Variants in SH3PXD2B observed in about 807,000 individuals in gnomAD.
The protein encoded by SH3PXD2B is SH3 and PX domains 2B.
In SH3PXD2B, 37 loss-of-function variants were observed where a neutral mutation model predicts 73.1. That is an observed-to-expected ratio of 0.51 (90% CI 0.39 to 0.67). The LOEUF (loss-of-function observed/expected upper bound fraction) is 0.67. Among genes scored for constraint, SH3PXD2B ranks in the 30% least tolerant of loss-of-function variants. The pLI, the probability that SH3PXD2B is intolerant of heterozygous loss-of-function variation, is 0.00. For missense variants in SH3PXD2B, 1,053 were observed against 1,197.8 expected (o/e 0.88, Z 1.78); for synonymous variants, 457 against 480.5 (o/e 0.95, Z 0.64).
At chr5:172,452,471 C>CT (rs1291606102) in intron 1 of SH3PXD2B, among the ~76,000 whole-genome samples, 1 of 152,118 alleles carries the variant, frequency 6.6e-6, no homozygotes, top group Non-Finnish European at 1.5e-5. Flanking sequence ...TGGTGTGGTC[C>CT]TTTTGGGGTC....
intron 7 of SH3PXD2B, among the ~76,000 whole-genome samples, 189 bp from the exon 8 acceptor site, chr5:172,359,066 C>T (rs1581273077): frequency 6.6e-6 from 1 of 152,224 alleles, no homozygotes; most frequent in Non-Finnish European, 1.5e-5. Flanking sequence ...AAACTTGCTC[C>T]TGAGCCTGGG....
chr5:172,436,554 AGC>A (rs1189953771), intron 1 of SH3PXD2B, among the ~76,000 whole-genome samples: 4 of 152,240 alleles, frequency 2.6e-5, no homozygotes, highest in Non-Finnish European at 5.9e-5. Context: ...AAGGTCCTGT[AGC>A]CAGCAGGGAG....
chr5:172,335,412 A>G lies in SH3PXD2B; in HGVS notation c.*2957T>C, dbSNP rs1010893392. On this transcript the variant is annotated 3_prime_UTR_variant, in exon 13 of 13. Transcript: ENST00000311601. ...CTAATGGCAGAGAAAAGTCATGGAC[A>G]CGAGGGAAAGAACAACAACAACAAA... 8.2e-7 allele frequency: 1 copy of G among 1,218,176 alleles called. No homozygotes were observed. 75.5% of individuals were successfully genotyped at this position (1,218,176 alleles called of 1,614,324 possible).
rs190934433 is a variant in SH3PXD2B at position 172,349,322 on chromosome 5, T to C, written c.1012+1041A>G. ...GCTGGAAGTCCTTTCTCAACAGAGT[T>C]CACCTGCCCTGCACGGCCAAGACAG... On this transcript the variant is annotated intron_variant, in intron 10 of 12. Transcript: ENST00000311601. Among the ~76,000 whole-genome samples the C allele has an allele frequency of 1.8e-3, 277 of 152,306 alleles. 2 individuals carry two copies. The South Asian group carries it at 0.02, about 11-fold the overall frequency.
chr5:172,442,324 A>G (rs997705269), intron 1 of SH3PXD2B, among the ~76,000 whole-genome samples: 2 of 152,152 alleles, frequency 1.3e-5, no homozygotes, highest in Non-Finnish European at 2.9e-5. Flanking sequence ...ATGCATAGAA[A>G]TATTTTTCAA....
intron 3 of SH3PXD2B, among the ~76,000 whole-genome samples, chr5:172,400,071 A>C (rs972451163): frequency 6.6e-6 from 1 of 152,172 alleles, no homozygotes; most frequent in Admixed American, 6.5e-5. Flanking sequence ...TAGAAACTCA[A>C]GTCTGGGCTA....
intron 3 of SH3PXD2B, among the ~76,000 whole-genome samples, chr5:172,405,718 C>G (rs1758537330): frequency 6.6e-6 from 1 of 152,148 alleles, no homozygotes; most frequent in African/African-American, 2.4e-5. Flanking sequence ...GGCCAAAAAC[C>G]CTGCCTGGAT....
intron 5 of SH3PXD2B, among the ~76,000 whole-genome samples, chr5:172,378,317 G>A (rs1757864747): frequency 6.6e-6 from 1 of 152,222 alleles, no homozygotes; most frequent in South Asian, 2.1e-4. Flanking sequence ...ACTAACACTG[G>A]GAAGGGCCGC....
chr5:172,409,848 T>A (rs1345283433), intron 2 of SH3PXD2B, among the ~76,000 whole-genome samples: 3 of 152,212 alleles, frequency 2.0e-5, no homozygotes, highest in African/African-American at 7.2e-5. Flanking sequence ...CCCCGGTAGC[T>A]GAGATTACAG....
intron 6 of SH3PXD2B, among the ~76,000 whole-genome samples, chr5:172,367,794 T>C (rs1256254585): frequency 6.6e-6 from 1 of 152,084 alleles, no homozygotes; most frequent in Non-Finnish European, 1.5e-5. Context: ...CTTTCCTCAT[T>C]ACTACTGGTT....
At chr5:172,345,233 A>G (rs1304545066) in intron 12 of SH3PXD2B, among the ~76,000 whole-genome samples, 1 of 152,100 alleles carries the variant, frequency 6.6e-6, no homozygotes, top group Non-Finnish European at 1.5e-5. Flanking sequence ...GAACTGATCA[A>G]TGGTGTCTAC....
rs745488126 is a variant in SH3PXD2B, at chr5:172,338,441, G to A, written c.2664C>T (p.Phe888=). ...AAGGGGCTCCGCTCAGGACCTGGCA[G>A]AACCACCAGCCACTGCTGTTCTTCT... ...VREKNSSGWW[F]CQVLSGAPSW... is the part of the protein sequence containing the mutation. Residue 888 remains phenylalanine (F), a synonymous_variant, in exon 13 of 13, where the codon TTC becomes TTT. Transcript: ENST00000311601. The surrounding 1 kb of genome is among the most constrained non-coding windows in gnomAD (Gnocchi z 5.1). 35 of 1,614,110 alleles carry A rather than the reference G, an allele frequency of 2.2e-5. No homozygotes were observed. Among genetic ancestry groups the A allele is most frequent in the Non-Finnish European group, 2.9e-5 (34 of 1,180,042 alleles).
chr5:172,416,790 C>CCTCG (rs1393532871), intron 2 of SH3PXD2B, among the ~76,000 whole-genome samples: 4 of 148,970 alleles, frequency 2.7e-5, no homozygotes, highest in Non-Finnish European at 5.9e-5. Context: ...CTCACTGCAG[C>CCTCG]CTCGACCTGC....
At chr5:172,358,954 A>G (rs536585993) in intron 7 of SH3PXD2B, 77 bp from the exon 8 acceptor site, 41 of 1,354,876 alleles carry the variant, frequency 3.0e-5, no homozygotes, top group Admixed American at 5.7e-5. Flanking sequence ...TAATCTATTC[A>G]GCCACTGTAC....
At chr5:172,396,434 T>C (rs1009151399) in intron 3 of SH3PXD2B, among the ~76,000 whole-genome samples, 8 of 151,846 alleles carry the variant, frequency 5.3e-5, no homozygotes, top group African/African-American at 1.9e-4. Context: ...CTGGAAGGAA[T>C]GTTGAAAAAC....
At chr5:172,414,401 G>A (rs919823606) in intron 2 of SH3PXD2B, among the ~76,000 whole-genome samples, 3 of 150,718 alleles carry the variant, frequency 2.0e-5, no homozygotes, top group African/African-American at 4.9e-5. Flanking sequence ...CCCGGGAAGC[G>A]GAGGTGGCCG....
chr5:172,448,631 C>T (rs1272522910), intron 1 of SH3PXD2B, among the ~76,000 whole-genome samples: 1 of 152,218 alleles, frequency 6.6e-6, no homozygotes, highest in Non-Finnish European at 1.5e-5. Flanking sequence ...AAGACATGTG[C>T]TAGCAGTTTT....
rs1052299941 is a variant in SH3PXD2B, at chr5:172,421,927, T to C, written c.156+489A>G. Among the ~76,000 whole-genome samples, 2 of 152,198 alleles carry C rather than the reference T, an allele frequency of 1.3e-5. No individual in the cohort carries two copies. The highest frequency in any genetic ancestry group is 2.9e-5 in the Non-Finnish European group (2 of 68,024). On this transcript the variant is annotated intron_variant, in intron 2 of 12. Coordinates refer to ENST00000311601, the MANE Select transcript of SH3PXD2B (RefSeq NM_001017995.3). This position sits in a 1 kb window ranked among gnomAD's most constrained non-coding sequence, Gnocchi z 4.0. The stretch of plus-strand genomic sequence containing the variant: ...CAGTTAACAGGCACCCTTTCTCTTA[T>C]GGAGGAAATATGAAATATCAAAGCA...
intron 12 of SH3PXD2B, among the ~76,000 whole-genome samples, chr5:172,345,059 G>C (rs907224627): frequency 1.4e-5 from 2 of 145,484 alleles, no homozygotes; most frequent in Admixed American, 6.7e-5. Flanking sequence ...AACAAAGGAA[G>C]GAGGAAGGAG....
Sources: gnomAD v4.1 joint callset for allele counts (sites outside exome capture counted in the v4.1 genomes callset) on GRCh38, gnomAD v4.1.1 for gene constraint, Gnocchi (gnomAD v3.1) non-coding constraint, MANE v1.5 for transcripts, NCBI Gene and HGNC (gene_info 2026-07-23, HGNC 2026-07-21) for gene names.